Variants in NLGN1 observed in about 807,000 individuals in gnomAD.
NLGN1 encodes neuroligin 1, also known as neuroligin-1.
In NLGN1, 12 loss-of-function variants were observed where a neutral mutation model predicts 65.5. That is an observed-to-expected ratio of 0.18 (90% CI 0.12 to 0.30). The LOEUF (loss-of-function observed/expected upper bound fraction) is 0.30. Ranked by LOEUF, NLGN1 falls within the 10% of genes least tolerant of loss-of-function variation. The probability of loss-of-function intolerance (pLI) is 1.00; values close to 1 mark genes in which losing one functional copy is unlikely to be tolerated. For missense variants in NLGN1, 750 were observed against 1,007.1 expected (o/e 0.74, Z 3.46); for synonymous variants, 350 against 359.5 (o/e 0.97, Z 0.30).
At chr3:174,177,538 T>G (rs112716458) in intron 4 of NLGN1, among the ~76,000 whole-genome samples, 2,292 of 152,120 alleles carry the variant, frequency 0.015, 57 homozygotes, top group African/African-American at 0.052. Context: ...AATAACTAAT[T>G]ATAAGTCAGT....
At chr3:173,991,776 A>G (rs1721166657) in intron 4 of NLGN1, among the ~76,000 whole-genome samples, 1 of 152,058 alleles carries the variant, frequency 6.6e-6, no homozygotes, top group South Asian at 2.1e-4. Flanking sequence ...ACACAGAAGA[A>G]TTATCTGGAG....
chr3:174,182,721 G>C (rs941993928), intron 4 of NLGN1, among the ~76,000 whole-genome samples: 1 of 152,104 alleles, frequency 6.6e-6, no homozygotes, highest in African/African-American at 2.4e-5. Flanking sequence ...ATGATACAAT[G>C]GAAAACTCTC....
chr3:173,484,933 C>T (rs1441969983), intron 2 of NLGN1, among the ~76,000 whole-genome samples: 1 of 151,972 alleles, frequency 6.6e-6, no homozygotes, highest in Non-Finnish European at 1.5e-5. Flanking sequence ...AGGGCCCCTT[C>T]CACTCTATAA....
chr3:173,405,396 G>A (rs530833858), intron 1 of NLGN1, among the ~76,000 whole-genome samples: 3 of 151,896 alleles, frequency 2.0e-5, no homozygotes, highest in South Asian at 2.1e-4. Flanking sequence ...CACATATATA[G>A]TCTATGGCTA....
intron 4 of NLGN1, among the ~76,000 whole-genome samples, chr3:174,134,586 A>C (rs982548750): frequency 6.6e-6 from 1 of 152,160 alleles, no homozygotes; most frequent in Non-Finnish European, 1.5e-5. Flanking sequence ...GCCCAAAATG[A>C]CATTACATGA....
intron 3 of NLGN1, among the ~76,000 whole-genome samples, chr3:173,724,638 A>G (rs1407142308): frequency 6.6e-6 from 1 of 152,184 alleles, no homozygotes; most frequent in Non-Finnish European, 1.5e-5. Flanking sequence ...TTCCTCAAGG[A>G]TCTAGAGCTA....
chr3:174,039,144 A>G (rs1731743111), intron 4 of NLGN1, among the ~76,000 whole-genome samples: 1 of 152,146 alleles, frequency 6.6e-6, no homozygotes, highest in African/African-American at 2.4e-5. Context: ...AGACTCCCTT[A>G]GGAGTCAGTT....
At chr3:174,249,405 C>T (rs1479702498) in intron 4 of NLGN1, among the ~76,000 whole-genome samples, 3 of 152,224 alleles carry the variant, frequency 2.0e-5, no homozygotes, top group African/African-American at 7.2e-5. Context: ...AGTTTTTTCT[C>T]CCTCTTAGAA....
intron 3 of NLGN1, chr3:173,789,827 G>C (rs1451275762): frequency 4.0e-6 from 2 of 503,100 alleles, no homozygotes; most frequent in South Asian, 2.9e-5. Flanking sequence ...TTTCATATTT[G>C]AATAGAACAC....
intron 4 of NLGN1, among the ~76,000 whole-genome samples, chr3:173,906,239 C>T (rs1738359459): frequency 6.6e-6 from 1 of 152,192 alleles, no homozygotes; most frequent in African/African-American, 2.4e-5. Context: ...GCCCTTTGCA[C>T]TGGATCGTAT....
At chr3:173,920,729 A>G (rs958416644) in intron 4 of NLGN1, 15 of 152,166 alleles carry the variant, frequency 9.9e-5, no homozygotes, top group Admixed American at 9.8e-4. Context: ...AAGATTGGTG[A>G]ATAATAGAAG....
intron 3 of NLGN1, among the ~76,000 whole-genome samples, chr3:173,608,430 T>C (rs760691112): frequency 2.0e-5 from 3 of 152,044 alleles, no homozygotes; most frequent in Non-Finnish European, 2.9e-5. Flanking sequence ...TGGAGTTTGG[T>C]TGTGGAGAAC....
chr3:173,726,466 A>G lies in NLGN1; in HGVS notation c.494-81214A>G, dbSNP rs542287112. Among the ~76,000 whole-genome samples the G allele has an allele frequency of 1.2e-4, 18 of 152,156 alleles. No homozygotes were observed. The South Asian group carries it at 2.1e-3, about 18-fold the overall frequency. On this transcript the variant is annotated intron_variant, in intron 3 of 6. Coordinates refer to ENST00000457714, the Ensembl canonical transcript of NLGN1. ...AGGATTCTCAAGAAAATGGTATAAA[A>G]TATTTTATGAAAAATCAAATTTTGA...
chr3:173,781,037 G>T (rs1196499933), intron 3 of NLGN1, among the ~76,000 whole-genome samples: 1 of 151,054 alleles, frequency 6.6e-6, no homozygotes, highest in African/African-American at 2.4e-5. Context: ...CCAGCTACTC[G>T]GGAGGCTGAG....
intron 3 of NLGN1, among the ~76,000 whole-genome samples, chr3:173,661,501 C>T (rs1760925478): frequency 6.6e-6 from 1 of 151,994 alleles, no homozygotes; most frequent in South Asian, 2.1e-4. Context: ...GTTATTATTA[C>T]ACCACATAGT....
intron 3 of NLGN1, among the ~76,000 whole-genome samples, chr3:173,718,795 A>C (rs969298875): frequency 3.3e-5 from 5 of 152,222 alleles, no homozygotes; most frequent in Non-Finnish European, 5.9e-5. Context: ...TAACTTTTTA[A>C]AGAACATTTA....
intron 4 of NLGN1, among the ~76,000 whole-genome samples, chr3:173,915,764 C>T (rs1029757145): frequency 6.6e-6 from 1 of 151,594 alleles, no homozygotes; most frequent in Admixed American, 6.6e-5. Flanking sequence ...CTTATTCAGA[C>T]ATTGAATAGC....
chr3:173,839,443 A>T (rs1326259779), intron 4 of NLGN1, among the ~76,000 whole-genome samples: 23 of 144,824 alleles, frequency 1.6e-4, no homozygotes, highest in African/African-American at 4.7e-4. Context: ...TTTTTTTTTG[A>T]GACGAAGTCT....
chr3:174,081,016 G>A (rs2152549428), intron 4 of NLGN1, among the ~76,000 whole-genome samples: 1 of 151,194 alleles, frequency 6.6e-6, no homozygotes, highest in Admixed American at 6.6e-5. Context: ...TACTGTAATA[G>A]TTCTGGTAAA....
Sources: allele counts gnomAD v4.1 joint callset (sites outside exome capture counted in the v4.1 genomes callset), GRCh38; gene constraint gnomAD v4.1.1; transcripts MANE v1.5; gene names NCBI Gene and HGNC (gene_info 2026-07-23, HGNC 2026-07-21).